CHERP: variants seen among roughly 807,000 people sequenced by gnomAD.
CHERP encodes calcium homeostasis endoplasmic reticulum protein, also known as ERPROT 213-21.
Under a neutral mutation model 113.8 loss-of-function variants are expected in CHERP, and 8 were observed. The observed-to-expected ratio is 0.07, with a 90% CI of 0.04 to 0.13. The LOEUF is 0.13. Among genes scored for constraint, CHERP ranks in the 10% least tolerant of loss-of-function variants. CHERP has a pLI of 1.00. For synonymous variants in CHERP, 559 were observed against 524.5 expected (o/e 1.07, Z -0.90); for missense variants, 884 against 1,298.2 (o/e 0.68, Z 4.90).
Position 16,523,733 on chromosome 19 carries a change from AGAG to A in CHERP, c.1742-446_1742-444del, listed in dbSNP as rs1284646055. Reference sequence around the variant, plus strand: ...AAGAGATTAGGACACAGACATGTAGAGAGAAGACGGTCACCTATGAGCCAAGGA... The same window carrying A: ...AAGAGATTAGGACACAGACATGTAGAAAGACGGTCACCTATGAGCCAAGGA... On this transcript the variant is annotated intron_variant, in intron 10 of 16. Transcript: ENST00000546361. The surrounding 1 kb of genome is among the most constrained non-coding windows in gnomAD (Gnocchi z 4.0). Among the ~76,000 whole-genome samples, 1 of 152,056 alleles carries A rather than the reference AGAG, an allele frequency of 6.6e-6. No individual in the cohort carries two copies.
At chr19:16,539,187 G>A (rs889154472) in intron 2 of CHERP, among the ~76,000 whole-genome samples, 11 of 140,560 alleles carry the variant, frequency 7.8e-5, no homozygotes, top group African/African-American at 1.9e-4. Context: ...TCGCTCTGTC[G>A]CCCAGGCTGG....
intron 11 of CHERP, among the ~76,000 whole-genome samples, chr19:16,522,451 G>A (rs956073268): frequency 3.4e-4 from 51 of 152,166 alleles, no homozygotes; most frequent in African/African-American, 1.1e-3. Context: ...AATAGAGACG[G>A]GGTTTCACCG....
At position 16,525,715 on chromosome 19, in the gene CHERP, T is replaced by G; in HGVS notation, c.1306-38A>C. 4 of 1,439,130 alleles carry G rather than the reference T, an allele frequency of 2.8e-6. No homozygotes were observed. Among genetic ancestry groups the G allele is most frequent in the Non-Finnish European group, 3.7e-6 (4 of 1,090,832 alleles). The allele number at this position is 1,439,130 out of a possible 1,614,324, so 89.1% of individuals were successfully genotyped here. ...GGACAGGCTTGAGCCCTGCGTGGTC[T>G]AGGCCCTAGTGCTCGGCAGCATCAC... On this transcript the variant is annotated intron_variant, in intron 9 of 16. Coordinates refer to ENST00000546361, the MANE Select transcript of CHERP (RefSeq NM_006387.6). This position sits in a 1 kb window ranked among gnomAD's most constrained non-coding sequence, Gnocchi z 6.5.
In CHERP at chr19:16,520,305, G is replaced by T. The variant is rs796284844; in HGVS notation, c.2346-40C>A. ...GCCCAAGGGTCAGCAGCAGCCAGGC[G>T]TCGTGGGGAGGCCACAGGAAGAGGC... is the stretch of plus-strand genomic sequence containing the variant. On this transcript the variant is annotated intron_variant, in intron 14 of 16. Transcript: ENST00000546361. This position sits in a 1 kb window ranked among gnomAD's most constrained non-coding sequence, Gnocchi z 4.0. 6.2e-7 allele frequency: 1 copy of T among 1,611,208 alleles called. No homozygotes were observed. The highest frequency in any genetic ancestry group is 8.5e-7 in the Non-Finnish European group (1 of 1,178,154).
rs1474523962 is a variant in CHERP, at chr19:16,519,447, G to A, written c.2558-95C>T. 3 of 1,393,746 alleles carry A rather than the reference G, an allele frequency of 2.2e-6. No homozygotes were observed. Among genetic ancestry groups the A allele is most frequent in the Non-Finnish European group, 3.0e-6 (3 of 1,010,056 alleles). 86.3% of individuals were successfully genotyped at this position (1,393,746 alleles called of 1,614,324 possible). On this transcript the variant is annotated intron_variant, in intron 16 of 16. Coordinates refer to ENST00000546361, the MANE Select transcript of CHERP (RefSeq NM_006387.6). The surrounding 1 kb of genome is among the most constrained non-coding windows in gnomAD (Gnocchi z 6.0). ...TGTCCAGACAGGCAGTGTAGACATG[G>A]GAAATGGGTAGAGAGAACCCGCAGG... is the stretch of plus-strand genomic sequence containing the variant.
Position 16,532,963 on chromosome 19 carries a change from G to A in CHERP, c.522+48C>T, listed in dbSNP as rs2085716931. ...ATTGGCTACGACAGGCCCTGCCTCA[G>A]GGAGGGACCAAGGGAAAGCTGGGCT... On this transcript the variant is annotated intron_variant, in intron 4 of 16. Coordinates refer to ENST00000546361, the MANE Select transcript of CHERP (RefSeq NM_006387.6). The surrounding 1 kb of genome is among the most constrained non-coding windows in gnomAD (Gnocchi z 4.4). The A allele has an allele frequency of 1.3e-6, 2 of 1,553,824 alleles. No homozygotes were observed. Among genetic ancestry groups the A allele is most frequent in the Non-Finnish European group, 1.7e-6 (2 of 1,147,634 alleles).
chr19:16,539,199 G>C (rs1265597570), intron 2 of CHERP, among the ~76,000 whole-genome samples: 1 of 149,578 alleles, frequency 6.7e-6, no homozygotes, highest in African/African-American at 2.5e-5. Context: ...CCAGGCTGGA[G>C]TGCAGTGGTG....
At position 16,541,857 on chromosome 19, in the gene CHERP, G is replaced by A; in HGVS notation, c.199+13C>T. The A allele has an allele frequency of 2.5e-6, 4 of 1,609,966 alleles. No individual in the cohort carries two copies. Among genetic ancestry groups the A allele is most frequent in the Non-Finnish European group, 1.7e-6 (2 of 1,178,584 alleles). On this transcript the variant is annotated intron_variant, in intron 2 of 16. Coordinates refer to ENST00000546361, the MANE Select transcript of CHERP (RefSeq NM_006387.6). ...CGCTCGATGGGACGGCCTGAGTGCCGGAGGGGACTCACGCTGCTGCTGCTC... is the reference window on the plus strand; with the variant it reads ...CGCTCGATGGGACGGCCTGAGTGCCAGAGGGGACTCACGCTGCTGCTGCTC...
chr19:16,542,146 G>A (rs1471376032), intron 1 of CHERP, 103 bp from the exon 2 acceptor site: 2 of 1,363,700 alleles, frequency 1.5e-6, no homozygotes, highest in Non-Finnish European at 2.0e-6. Context: ...GACCCCAAGG[G>A]GGTGGGCCCC....
At position 16,535,026 on chromosome 19, in the gene CHERP, A is replaced by G. The variant is rs2085731738; in HGVS notation, c.384+426T>C. On this transcript the variant is annotated intron_variant, in intron 3 of 16. Coordinates refer to ENST00000546361, the MANE Select transcript of CHERP (RefSeq NM_006387.6). The surrounding 1 kb of genome is among the most constrained non-coding windows in gnomAD (Gnocchi z 4.3). ...GGGAGGTAGGGGCTGCAGTGAGCTGAGATCACGCCTCTGCACTCCAGCCTG... is the reference window on the plus strand; with the variant it reads ...GGGAGGTAGGGGCTGCAGTGAGCTGGGATCACGCCTCTGCACTCCAGCCTG... Among the ~76,000 whole-genome samples, 1 of 151,994 alleles carries G rather than the reference A, an allele frequency of 6.6e-6. No homozygotes were observed. Among genetic ancestry groups the G allele is most frequent in the African/African-American group, 2.4e-5 (1 of 41,388 alleles).
intron 12 of CHERP, 200 bp downstream of exon 12, chr19:16,521,318 CTGA>C (rs1409021402): frequency 1.7e-6 from 1 of 582,172 alleles, no homozygotes; most frequent in Non-Finnish European, 3.0e-6. Flanking sequence ...CTAACTTCTT[CTGA>C]TGTGTCTCCA....
In CHERP at chr19:16,529,724, G is replaced by C; in HGVS notation, c.1053C>G (p.Val351=). The C allele has an allele frequency of 1.2e-6, 2 of 1,606,566 alleles. No individual in the cohort carries two copies. Among genetic ancestry groups the C allele is most frequent in the South Asian group, 2.2e-5 (2 of 90,572 alleles). ...QLQMPQMEAE[V]KATPPPPAPP... ...GAGCAGGCGGTGGAGGCGTGGCCTT[G>C]ACTTCAGCCTCCATCTGCGGCATCT... is the stretch of plus-strand genomic sequence containing the variant. The change falls in exon 8 of 17, where the codon GTC becomes GTG. Residue 351 remains valine, a synonymous_variant. Coordinates refer to ENST00000546361, the MANE Select transcript of CHERP (RefSeq NM_006387.6).
In CHERP at chr19:16,525,825, C is replaced by A; in HGVS notation, c.1306-148G>T. The A allele has an allele frequency of 2.9e-6, 2 of 681,542 alleles. No individual in the cohort carries two copies. The highest frequency in any genetic ancestry group is 4.5e-6 in the Non-Finnish European group (2 of 442,210). The allele number at this position is 681,542 out of a possible 1,614,324, so 42.2% of individuals were successfully genotyped here. A position where few individuals can be genotyped will look rare whatever the true frequency, so the allele number is the denominator to read the frequency against. Reference sequence around the variant, plus strand: ...GAGGCGCCTCCTACGCTGACGCCTGCGAGGATGCTGGGCACCTGCTCTCAG... The same window carrying A: ...GAGGCGCCTCCTACGCTGACGCCTGAGAGGATGCTGGGCACCTGCTCTCAG... On this transcript the variant is annotated intron_variant, in intron 9 of 16. Transcript: ENST00000546361. The surrounding 1 kb of genome is among the most constrained non-coding windows in gnomAD (Gnocchi z 6.5).
Position 16,520,043 on chromosome 19 carries a change from T to G in CHERP, c.2462+106A>C, listed in dbSNP as rs1374646699. 4 of 1,198,124 alleles carry G rather than the reference T, an allele frequency of 3.3e-6. No individual in the cohort carries two copies. The African/African-American group carries it at 4.5e-5, about 14-fold the overall frequency. The allele number at this position is 1,198,124 out of a possible 1,614,324, so 74.2% of individuals were successfully genotyped here. ...GGTGCCACTGTCCCCGGGCTAATGC[T>G]GGCGGCCTCCTAACACAGTCTCCTA... On this transcript the variant is annotated intron_variant, in intron 15 of 16. Coordinates refer to ENST00000546361, the MANE Select transcript of CHERP (RefSeq NM_006387.6). The surrounding 1 kb of genome is among the most constrained non-coding windows in gnomAD (Gnocchi z 4.0).
At position 16,525,050 on chromosome 19, in the gene CHERP, C is replaced by A. The variant is rs2085647626; in HGVS notation, c.1741+192G>T. On this transcript the variant is annotated intron_variant, in intron 10 of 16. Transcript: ENST00000546361. This position sits in a 1 kb window ranked among gnomAD's most constrained non-coding sequence, Gnocchi z 6.5. ...TCATCTGCAGCCAGCCGGGCCTCAT[C>A]AGGGCGGCAAAACTGAGTCTGTGCC... Among the ~76,000 whole-genome samples, 5 of 152,208 alleles carry A rather than the reference C, an allele frequency of 3.3e-5. No homozygotes were observed. Among genetic ancestry groups the A allele is most frequent in the Non-Finnish European group, 7.3e-5 (5 of 68,046 alleles).
Position 16,532,388 on chromosome 19 carries a change from A to T in CHERP, c.674+210T>A, listed in dbSNP as rs1002756945. On this transcript the variant is annotated intron_variant, in intron 5 of 16. Coordinates refer to ENST00000546361, the MANE Select transcript of CHERP (RefSeq NM_006387.6). The surrounding 1 kb of genome is among the most constrained non-coding windows in gnomAD (Gnocchi z 4.4). ...GTCTAGGGGAGAGGACAGGGCATGC[A>T]GCGAAGGTGCACAGGACACCTAGAC... 4 of 585,630 alleles carry T rather than the reference A, an allele frequency of 6.8e-6. No homozygotes were observed. Among genetic ancestry groups the T allele is most frequent in the East Asian group, 5.9e-5 (2 of 34,108 alleles). 36.3% of individuals were successfully genotyped at this position (585,630 alleles called of 1,614,324 possible).
chr19:16,523,387 G>A lies in CHERP; in HGVS notation c.1742-97C>T, dbSNP rs1344984175. 1.7e-5 allele frequency: 24 copies of A among 1,410,978 alleles called. No individual in the cohort carries two copies. The highest frequency in any genetic ancestry group is 4.9e-5 in the East Asian group (2 of 40,636). The allele number at this position is 1,410,978 out of a possible 1,614,324, so 87.4% of individuals were successfully genotyped here. ...GGGGCTCAGTGAAGGGCCAGGAGAC[G>A]AACCCCTCCTGGGAGCCTGTCCAGC... On this transcript the variant is annotated intron_variant, in intron 10 of 16. Coordinates refer to ENST00000546361, the MANE Select transcript of CHERP (RefSeq NM_006387.6). The surrounding 1 kb of genome is among the most constrained non-coding windows in gnomAD (Gnocchi z 4.0).
At position 16,525,771 on chromosome 19, in the gene CHERP, G is replaced by C; in HGVS notation, c.1306-94C>G. ...TCGGCAGCATCACAGCGCTGGCTCA[G>C]ACCATGGAGGCGCTGCCCTGGCCAC... On this transcript the variant is annotated intron_variant, in intron 9 of 16. Transcript: ENST00000546361. The surrounding 1 kb of genome is among the most constrained non-coding windows in gnomAD (Gnocchi z 6.5). 8.3e-7 allele frequency: 1 copy of C among 1,209,804 alleles called. No homozygotes were observed. Among genetic ancestry groups the C allele is most frequent in the Non-Finnish European group, 1.1e-6 (1 of 908,152 alleles). The allele number at this position is 1,209,804 out of a possible 1,614,324, so 74.9% of individuals were successfully genotyped here. A position where few individuals can be genotyped will look rare whatever the true frequency, so the allele number is the denominator to read the frequency against.
chr19:16,522,240 C>T (rs1361249266), intron 11 of CHERP, among the ~76,000 whole-genome samples: 3 of 151,708 alleles, frequency 2.0e-5, no homozygotes, highest in African/African-American at 4.8e-5. Flanking sequence ...AGGCCCCAAG[C>T]CCCGGCCCTG....
Sources: allele counts gnomAD v4.1 joint callset (sites outside exome capture counted in the v4.1 genomes callset), GRCh38; gene constraint gnomAD v4.1.1; non-coding constraint Gnocchi (gnomAD v3.1); transcripts MANE v1.5; gene names NCBI Gene and HGNC (gene_info 2026-07-23, HGNC 2026-07-21).